The following CUTC variants were observed in gnomAD, a reference collection of about 807,000 sequenced individuals.
CUTC encodes the protein cutC copper transporter.
CUTC carries 27 observed loss-of-function variants against 36.2 expected under a neutral mutation model. The ratio of observed to expected loss-of-function variants is 0.75; its 90% CI spans 0.55 to 1.03. The LOEUF (loss-of-function observed/expected upper bound fraction) is 1.03. Among genes scored for constraint, CUTC ranks in the 50% least tolerant of loss-of-function variants. CUTC has a pLI of 0.00. For missense variants in CUTC, 315 were observed against 343.5 expected (o/e 0.92, Z 0.66); for synonymous variants, 114 against 118.3 (o/e 0.96, Z 0.24).
rs372919395 is a variant in CUTC at position 99,744,021 on chromosome 10, G to A, written c.404-16G>A. On this transcript the variant is annotated splice_polypyrimidine_tract_variant and intron_variant, in intron 4 of 8. Coordinates refer to ENST00000370476, the MANE Select transcript of CUTC (RefSeq NM_015960.3). The stretch of plus-strand genomic sequence containing the variant: ...GACATCTTCATTCATGTTGTTATAT[G>A]ACTTTCTTTTTATAGCTATTTGCCG... The A allele has an allele frequency of 3.1e-6, 5 of 1,608,736 alleles. No individual in the cohort carries two copies. In the African/African-American group the frequency reaches 6.7e-5, roughly 22 times the overall value.
rs771527407 is a variant in CUTC at position 99,747,369 on chromosome 10, A to G, written c.552A>G (p.Leu184=). The G allele has an allele frequency of 1.9e-6, 3 of 1,614,200 alleles. No individual in the cohort carries two copies. The highest frequency in any genetic ancestry group is 8.5e-7 in the Non-Finnish European group (1 of 1,180,024). ...CDSSALEGLP[L]IKRLIEQAKG... ...GTTCAGCATTAGAAGGGCTACCCCT[A>G]ATAAAGCGACTCATTGAGCAGGTAC... The change falls in exon 6 of 9, where the codon CTA becomes CTG. Residue 184 remains leucine (L), a synonymous_variant. Transcript: ENST00000370476.
chr10:99,748,375 C>T (rs139039451), intron 6 of CUTC, among the ~76,000 whole-genome samples: 2 of 152,222 alleles, frequency 1.3e-5, no homozygotes, highest in East Asian at 3.9e-4. Flanking sequence ...CTTATTTTCA[C>T]TTTTCTATAG....
intron 3 of CUTC, among the ~76,000 whole-genome samples, chr10:99,741,109 C>T (rs2133668098): frequency 6.6e-6 from 1 of 152,278 alleles, no homozygotes; most frequent in South Asian, 2.1e-4. Flanking sequence ...TTATTGGATG[C>T]AAGACATTGT....
intron 5 of CUTC, among the ~76,000 whole-genome samples, chr10:99,744,878 G>A (rs1020257259): frequency 2.0e-5 from 3 of 152,108 alleles, no homozygotes; most frequent in Admixed American, 6.5e-5. Flanking sequence ...TCAGCCTCCC[G>A]AGTAGCTGGG....
At position 99,755,718 on chromosome 10, in the gene CUTC, C is replaced by G; in HGVS notation, c.801C>G (p.Ile267Met). Residue 267 changes from isoleucine to methionine, a missense_variant, in exon 9 of 9, where the codon ATC becomes ATG. Ile to Met is a conservative substitution (Grantham distance 10). Coordinates refer to ENST00000370476, the MANE Select transcript of CUTC (RefSeq NM_015960.3). ...CCAAAGTAAGGACTTTGAATGCTAT[C>G]GCAAAGAACATCCTGGTGTAGCCAG... is the stretch of plus-strand genomic sequence containing the variant. ...DVTKVRTLNA[I>M]AKNILV 6.2e-7 allele frequency: 1 copy of G among 1,611,832 alleles called. No homozygotes were observed. Among genetic ancestry groups the G allele is most frequent in the Non-Finnish European group, 8.5e-7 (1 of 1,178,058 alleles).
At chr10:99,751,816 CCA>C (rs2037421176) in intron 7 of CUTC, among the ~76,000 whole-genome samples, 1 of 152,184 alleles carries the variant, frequency 6.6e-6, no homozygotes, top group Non-Finnish European at 1.5e-5. Flanking sequence ...TGAGATTGCA[CCA>C]CTGCACTCCA....
chr10:99,755,734 G>T lies in CUTC; in HGVS notation c.817G>T (p.Val273Leu). Residue 273 changes from valine (V) to leucine (L), a missense_variant, in exon 9 of 9, where the codon GTG (valine) becomes TTG (leucine). Physicochemically the swap from Val to Leu is conservative, Grantham distance 32. Transcript: ENST00000370476. ...TLNAIAKNIL[V>L] Reference sequence around the variant, plus strand: ...GAATGCTATCGCAAAGAACATCCTGGTGTAGCCAGACCTCTCTGAGAGACA... The same window carrying T: ...GAATGCTATCGCAAAGAACATCCTGTTGTAGCCAGACCTCTCTGAGAGACA... The T allele has an allele frequency of 1.2e-6, 2 of 1,600,240 alleles. No individual in the cohort carries two copies. Among genetic ancestry groups the T allele is most frequent in the Non-Finnish European group, 1.7e-6 (2 of 1,167,618 alleles).
At chr10:99,742,820 G>C (rs1042482696) in intron 3 of CUTC, among the ~76,000 whole-genome samples, 3 of 152,042 alleles carry the variant, frequency 2.0e-5, no homozygotes, top group Non-Finnish European at 4.4e-5. Context: ...TAATGAATTA[G>C]AAAGAAGAAA....
At chr10:99,733,741 CAG>C (rs1291139661) in intron 1 of CUTC, among the ~76,000 whole-genome samples, 1 of 152,212 alleles carries the variant, frequency 6.6e-6, no homozygotes, top group Non-Finnish European at 1.5e-5. Context: ...TGAAAAGTCT[CAG>C]AGGCTCCCAA....
chr10:99,744,833 A>G (rs1363238546), intron 5 of CUTC, among the ~76,000 whole-genome samples: 1 of 152,134 alleles, frequency 6.6e-6, no homozygotes, highest in Non-Finnish European at 1.5e-5. Context: ...GGCTCACTAC[A>G]ACCTCTGCCT....
intron 2 of CUTC, among the ~76,000 whole-genome samples, chr10:99,736,694 G>A (rs1165894239): frequency 6.6e-6 from 1 of 151,990 alleles, no homozygotes; most frequent in Non-Finnish European, 1.5e-5. Context: ...CTCTGAACCT[G>A]TTTTAATGGG....
chr10:99,752,036 T>C (rs2037423164), intron 7 of CUTC, among the ~76,000 whole-genome samples: 1 of 152,188 alleles, frequency 6.6e-6, no homozygotes, highest in African/African-American at 2.4e-5. Flanking sequence ...GTCAGAATAC[T>C]TCATGGGTGA....
At chr10:99,741,229 G>C (rs956734996) in intron 3 of CUTC, among the ~76,000 whole-genome samples, 3 of 152,216 alleles carry the variant, frequency 2.0e-5, no homozygotes, top group African/African-American at 7.2e-5. Context: ...GTCTGGAGCA[G>C]TGGTTAATAC....
At chr10:99,745,545 G>A (rs1319852388) in intron 5 of CUTC, among the ~76,000 whole-genome samples, 1 of 152,134 alleles carries the variant, frequency 6.6e-6, no homozygotes, top group African/African-American at 2.4e-5. Flanking sequence ...AGGGCTCTGA[G>A]GAGGGGAGAA....
intron 1 of CUTC, among the ~76,000 whole-genome samples, chr10:99,735,659 C>T (rs954310797): frequency 1.3e-5 from 2 of 152,176 alleles, no homozygotes; most frequent in African/African-American, 4.8e-5. Flanking sequence ...CCACCCACCT[C>T]GGCCTCCCAA....
At position 99,754,648 on chromosome 10, in the gene CUTC, C is replaced by A; in HGVS notation, c.707+14C>A. The A allele has an allele frequency of 6.4e-7, 1 of 1,551,690 alleles. No homozygotes were observed. The highest frequency in any genetic ancestry group is 8.9e-7 in the Non-Finnish European group (1 of 1,127,600). On this transcript the variant is annotated intron_variant, in intron 8 of 8. Transcript: ENST00000370476. ...AATGAAGTTTCGGTAAAAATGTATT[C>A]TTCGATTCAAATAAGAAGGATGAGA...
rs747343740 is a variant in CUTC, at chr10:99,744,069, C to T, written c.436C>T (p.Arg146Ter). The change falls in exon 5 of 9, where the codon CGA becomes TGA. Residue 146 changes from arginine to a stop codon, truncating the protein, a stop_gained. Transcript: ENST00000370476. LOFTEE classifies it high-confidence loss of function. ...ICRPLPVTFH[R>*]AFDMVHDPMA... ...CCGCCCTCTGCCAGTCACTTTCCAC[C>T]GAGGTGAGTCATTTTCATTTTAAAA... is the stretch of plus-strand genomic sequence containing the variant. 1.1e-5 allele frequency: 17 copies of T among 1,611,154 alleles called. No individual in the cohort carries two copies. In the Middle Eastern group the frequency reaches 8.3e-4, roughly 78 times the overall value.
chr10:99,735,333 C>G (rs1189398123), intron 1 of CUTC, among the ~76,000 whole-genome samples: 3 of 151,944 alleles, frequency 2.0e-5, no homozygotes, highest in African/African-American at 7.3e-5. Context: ...AAATTTTATT[C>G]AGAGATGAAG....
At chr10:99,741,906 T>C (rs969637953) in intron 3 of CUTC, among the ~76,000 whole-genome samples, 5 of 152,174 alleles carry the variant, frequency 3.3e-5, no homozygotes, top group African/African-American at 7.2e-5. Flanking sequence ...TTTTAAACCA[T>C]TGAGATAGTC....
Sources: gnomAD v4.1 joint callset for allele counts (sites outside exome capture counted in the v4.1 genomes callset) on GRCh38, gnomAD v4.1.1 for gene constraint, MANE v1.5 for transcripts, NCBI Gene and HGNC (gene_info 2026-07-23, HGNC 2026-07-21) for gene names.